ZSCAN25: variants seen among roughly 807,000 people sequenced by gnomAD.
ZSCAN25 encodes zinc finger and SCAN domain-containing protein 25.
ZSCAN25 carries 27 observed loss-of-function variants against 38.7 expected under a neutral mutation model. That is an observed-to-expected ratio of 0.70 (90% CI 0.51 to 0.96). The LOEUF is 0.96. Among genes scored for constraint, ZSCAN25 ranks in the 40% least tolerant of loss-of-function variants. ZSCAN25 has a pLI of 0.00. For synonymous variants in ZSCAN25, 273 were observed against 277.7 expected, an observed-to-expected ratio of 0.98 and a Z score of 0.17; for missense variants, 637 against 705.9, an observed-to-expected ratio of 0.90 and a Z score of 1.11.
At chr7:99,623,919 C>T in intron 6 of ZSCAN25, 138 bp from the exon 7 acceptor site, 1 of 1,212,514 alleles carries the variant, frequency 8.2e-7, no homozygotes. Context: ...CTCACAACTG[C>T]AGTGGCTCAA....
the ZSCAN25 span, among the ~76,000 whole-genome samples, chr7:99,649,851 A>C: frequency 1.3e-5 from 2 of 152,162 alleles, no homozygotes; most frequent in Non-Finnish European, 2.9e-5. Context: ...GAGACTACAC[A>C]TAATCATGTC....
chr7:99,680,567 T>A, the ZSCAN25 span, among the ~76,000 whole-genome samples: 1 of 152,132 alleles, frequency 6.6e-6, no homozygotes, highest in South Asian at 2.1e-4. Context: ...CTGGTATTAT[T>A]TACTTTCATG....
chr7:99,636,417 T>G (rs1473424725), downstream of ZSCAN25, among the ~76,000 whole-genome samples: 1 of 152,212 alleles, frequency 6.6e-6, no homozygotes, highest in Non-Finnish European at 1.5e-5. Flanking sequence ...AGTAAAATGT[T>G]TGTCAAGAGT....
chr7:99,696,231 G>T, the ZSCAN25 span, among the ~76,000 whole-genome samples: 149 of 103,412 alleles, frequency 1.4e-3, 1 homozygote, highest in African/African-American at 3.9e-3. Flanking sequence ...AGGCAGAAAG[G>T]GTGACTTTTT....
chr7:99,674,641 C>T, the ZSCAN25 span: 1 of 1,476,628 alleles, frequency 6.8e-7, no homozygotes, highest in African/African-American at 1.4e-5. Flanking sequence ...ATAAACCCTA[C>T]CTCTAATTGG....
At chr7:99,657,887 C>T in the ZSCAN25 span, among the ~76,000 whole-genome samples, 1 of 152,156 alleles carries the variant, frequency 6.6e-6, no homozygotes, top group Non-Finnish European at 1.5e-5. Flanking sequence ...CCTGTTTTAT[C>T]AGAGAGTAGG....
chr7:99,673,875 GA>G, the ZSCAN25 span, among the ~76,000 whole-genome samples: 1 of 152,212 alleles, frequency 6.6e-6, no homozygotes, highest in Non-Finnish European at 1.5e-5. Flanking sequence ...AAAACCTGCA[GA>G]AAAGTGGTAA....
At chr7:99,627,748 A>ATC (rs780657423) in intron 7 of ZSCAN25, among the ~76,000 whole-genome samples, 4 of 150,840 alleles carry the variant, frequency 2.7e-5, no homozygotes, top group African/African-American at 7.4e-5. Context: ...GTATACGTAT[A>ATC]TCGTATATGC....
In ZSCAN25 at chr7:99,629,533, G is replaced by A; in HGVS notation, c.1148G>A (p.Gly383Asp). Reference protein sequence around the residue: ...KSYGCVECGKGFTLREYLMKH... With the variant: ...KSYGCVECGKDFTLREYLMKH... ...TATGGCTGTGTGGAGTGTGGGAAGGGCTTTACCCTGAGAGAATACCTGATG... is the reference window on the plus strand; with the variant it reads ...TATGGCTGTGTGGAGTGTGGGAAGGACTTTACCCTGAGAGAATACCTGATG... Residue 383 changes from glycine to aspartate, a missense_variant, in exon 8 of 8, where the codon GGC (glycine) becomes GAC (aspartate). Transcript: ENST00000394152. The surrounding 1 kb of genome is among the most constrained non-coding windows in gnomAD (Gnocchi z 5.6). 3 of 1,614,184 alleles carry A rather than the reference G, an allele frequency of 1.9e-6. No homozygotes were observed. Among genetic ancestry groups the A allele is most frequent in the Non-Finnish European group, 2.5e-6 (3 of 1,180,026 alleles).
chr7:99,630,593 C>G lies in ZSCAN25; in HGVS notation c.*573C>G. 2.0e-6 allele frequency: 2 copies of G among 986,510 alleles called. No homozygotes were observed. Among genetic ancestry groups the G allele is most frequent in the Non-Finnish European group, 2.4e-6 (2 of 830,846 alleles). 61.1% of individuals were successfully genotyped at this position (986,510 alleles called of 1,614,324 possible). ...TTCTCAGGGTATCTGTGCTGTGTGCCCGTGAGAACATCTTCCCATGACCAC... is the reference window on the plus strand; with the variant it reads ...TTCTCAGGGTATCTGTGCTGTGTGCGCGTGAGAACATCTTCCCATGACCAC... On this transcript the variant is annotated 3_prime_UTR_variant, in exon 8 of 8. Coordinates refer to ENST00000394152, the MANE Select transcript of ZSCAN25 (RefSeq NM_145115.3).
chr7:99,734,977 C>G, the ZSCAN25 span: 1 of 1,613,374 alleles, frequency 6.2e-7, no homozygotes. Context: ...TGATTAGCAC[C>G]CCAAGTCCAA....
chr7:99,717,925 A>T, the ZSCAN25 span, among the ~76,000 whole-genome samples: 1 of 152,166 alleles, frequency 6.6e-6, no homozygotes, highest in Non-Finnish European at 1.5e-5. Context: ...GCACGCGTGC[A>T]GTGTAGAGAG....
the ZSCAN25 span, chr7:99,710,633 T>C: frequency 6.3e-6 from 10 of 1,590,374 alleles, no homozygotes; most frequent in Non-Finnish European, 8.6e-6. Flanking sequence ...GAAACAATCA[T>C]GATTATGCTT....
the ZSCAN25 span, chr7:99,720,528 C>T: frequency 3.5e-6 from 4 of 1,136,142 alleles, no homozygotes; most frequent in African/African-American, 6.2e-5. Flanking sequence ...ATGTACAATA[C>T]ACAGTAATCT....
At chr7:99,666,856 T>C in the ZSCAN25 span, 1 of 1,585,040 alleles carries the variant, frequency 6.3e-7, no homozygotes, top group Non-Finnish European at 8.6e-7. Flanking sequence ...TCGAACTCAG[T>C]GGACTACCCC....
chr7:99,625,182 G>A (rs1285815280), intron 7 of ZSCAN25, among the ~76,000 whole-genome samples: 2 of 152,116 alleles, frequency 1.3e-5, no homozygotes, highest in African/African-American at 4.8e-5. Context: ...TTGTGGAATG[G>A]GGCTGTTCAT....
chr7:99,669,661 A>G, the ZSCAN25 span, among the ~76,000 whole-genome samples: 2 of 152,230 alleles, frequency 1.3e-5, no homozygotes, highest in South Asian at 2.1e-4. Context: ...AGGCACTGAC[A>G]CTACAGATAC....
the ZSCAN25 span, chr7:99,720,475 C>G: frequency 1.3e-6 from 2 of 1,579,222 alleles, no homozygotes; most frequent in Non-Finnish European, 1.7e-6. Context: ...GGAGCCAAAC[C>G]CAGGAAGCCA....
At chr7:99,640,224 T>C in the ZSCAN25 span, among the ~76,000 whole-genome samples, 2 of 152,196 alleles carry the variant, frequency 1.3e-5, no homozygotes, top group East Asian at 3.9e-4. Flanking sequence ...AATGGTGCGA[T>C]CTTGGCTTAC....
Sources: allele counts gnomAD v4.1 joint callset (sites outside exome capture counted in the v4.1 genomes callset), GRCh38; gene constraint gnomAD v4.1.1; non-coding constraint Gnocchi (gnomAD v3.1); transcripts MANE v1.5; gene names NCBI Gene and HGNC (gene_info 2026-07-23, HGNC 2026-07-21).